The following APOBR variants were observed in gnomAD, a reference collection of about 807,000 sequenced individuals.
APOBR encodes the protein apoB-48R.
Under a neutral mutation model 88.5 loss-of-function variants are expected in APOBR, and 57 were observed. That is an observed-to-expected ratio of 0.64 (90% CI 0.52 to 0.80). APOBR has a LOEUF of 0.80. Among genes scored for constraint, APOBR ranks in the 30% least tolerant of loss-of-function variants. APOBR has a pLI of 0.00. For missense variants in APOBR, 1,443 were observed against 1,401.6 expected, an observed-to-expected ratio of 1.03 and a Z score of -0.47; for synonymous variants, 588 against 572.7, an observed-to-expected ratio of 1.03 and a Z score of -0.38.
rs747750507 is a variant in APOBR, at chr16:28,496,501, A to G, written c.1460A>G (p.Glu487Gly). 2.5e-6 allele frequency: 4 copies of G among 1,594,826 alleles called. No homozygotes were observed. Among genetic ancestry groups the G allele is most frequent in the Non-Finnish European group, 3.4e-6 (4 of 1,170,884 alleles). ...AGGGCCGACCGGGCCAGGATGGAAG[A>G]GCTGGTACAGGCAGAGGAGGCCCAG... ...GIRADRARME[E>G]LVQAEEAQEE... Residue 487 changes from glutamate to glycine, a missense_variant, in exon 2 of 4, where the codon GAG (glutamate) becomes GGG (glycine). Coordinates refer to ENST00000564831, the MANE Select transcript of APOBR (RefSeq NM_018690.4).
intron 1 of APOBR, 123 bp downstream of exon 1, chr16:28,494,861 T>C: frequency 9.5e-7 from 1 of 1,049,442 alleles, no homozygotes; most frequent in East Asian, 2.5e-5. Context: ...TGGAGATTGC[T>C]TTCTCAGGTT....
rs756135011 is a variant in APOBR, at chr16:28,497,402, G to A, written c.2361G>A (p.Gly787=). 6.2e-7 allele frequency: 1 copy of A among 1,613,154 alleles called. No individual in the cohort carries two copies. The highest frequency in any genetic ancestry group is 8.5e-7 in the Non-Finnish European group (1 of 1,179,556). The change falls in exon 2 of 4, where the codon GGG becomes GGA. Residue 787 remains glycine (G), a synonymous_variant. Coordinates refer to ENST00000564831, the MANE Select transcript of APOBR (RefSeq NM_018690.4). ...GTGAAGCTTTGGAAGGGGTGCTTGGGCAAGGCTGGGACTCGAAAGAAAAGG... is the reference window on the plus strand; with the variant it reads ...GTGAAGCTTTGGAAGGGGTGCTTGGACAAGGCTGGGACTCGAAAGAAAAGG... ...GAGEALEGVL[G]QGWDSKEKEE...
chr16:28,496,932 G>A lies in APOBR; in HGVS notation c.1891G>A (p.Asp631Asn), dbSNP rs13306185. ...PGAWENRTRK[D>N]MERGNTQEDA... ...AGCCTGGGAAAACCGCACGAGAAAGGACATGGAGAGAGGAAATACTCAGGA... is the reference window on the plus strand; with the variant it reads ...AGCCTGGGAAAACCGCACGAGAAAGAACATGGAGAGAGGAAATACTCAGGA... The change falls in exon 2 of 4, where the codon GAC becomes AAC. Residue 631 changes from aspartate (D) to asparagine (N), a missense_variant. Asp to Asn is a conservative substitution (Grantham distance 23). Coordinates refer to ENST00000564831, the MANE Select transcript of APOBR (RefSeq NM_018690.4). 4.8e-5 allele frequency: 75 copies of A among 1,560,132 alleles called. No individual in the cohort carries two copies. The East Asian group carries it at 1.8e-3, about 37-fold the overall frequency.
At position 28,497,687 on chromosome 16, in the gene APOBR, G is replaced by T. The variant is rs369226323; in HGVS notation, c.2646G>T (p.Thr882=). The change falls in exon 2 of 4, where the codon ACG becomes ACT. Residue 882 remains threonine, a synonymous_variant. Coordinates refer to ENST00000564831, the MANE Select transcript of APOBR (RefSeq NM_018690.4). Reference sequence around the variant, plus strand: ...CTGGGGGGCTTCTAGAAAAGTGGACGCTGTTGGAAGAAGAGGCTGTTGGAT... The same window carrying T: ...CTGGGGGGCTTCTAGAAAAGTGGACTCTGTTGGAAGAAGAGGCTGTTGGAT... ...VEAGGLLEKW[T]LLEEEAVGWQ... 2 of 1,603,488 alleles carry T rather than the reference G, an allele frequency of 1.2e-6. No individual in the cohort carries two copies. The highest frequency in any genetic ancestry group is 1.7e-6 in the Non-Finnish European group (2 of 1,175,098).
rs1230409742 is a variant in APOBR at position 28,498,818 on chromosome 16, C to T, written c.*313C>T. On this transcript the variant is annotated 3_prime_UTR_variant, in exon 4 of 4. Coordinates refer to ENST00000564831, the MANE Select transcript of APOBR (RefSeq NM_018690.4). ...TGCAAGGAGGCTGGGCACGGGGGCTCACGCCTGTCACCCCAGAGCTTTGGG... is the reference window on the plus strand; with the variant it reads ...TGCAAGGAGGCTGGGCACGGGGGCTTACGCCTGTCACCCCAGAGCTTTGGG... The T allele has an allele frequency of 1.8e-6, 1 of 565,180 alleles. No individual in the cohort carries two copies. Among genetic ancestry groups the T allele is most frequent in the Non-Finnish European group, 3.2e-6 (1 of 310,654 alleles). 35.0% of individuals were successfully genotyped at this position (565,180 alleles called of 1,614,324 possible).
Position 28,497,338 on chromosome 16 carries a change from G to A in APOBR, c.2297G>A (p.Gly766Glu). The change falls in exon 2 of 4, where the codon GGG becomes GAG. Residue 766 changes from glycine to glutamate, a missense_variant. Physicochemically the swap from Gly to Glu is moderately conservative, Grantham distance 98. Coordinates refer to ENST00000564831, the MANE Select transcript of APOBR (RefSeq NM_018690.4). ...GGCTCTGTGGCTGCTGGGATTATGG[G>A]GGGTGATGTGGTCCCACACATCAGC... ...QTGSVAAGIMGGDVVPHISAA... is the reference protein window; with the variant it reads ...QTGSVAAGIMEGDVVPHISAA... 6.2e-7 allele frequency: 1 copy of A among 1,606,678 alleles called. No individual in the cohort carries two copies. Among genetic ancestry groups the A allele is most frequent in the Non-Finnish European group, 8.5e-7 (1 of 1,176,920 alleles).
At position 28,498,479 on chromosome 16, in the gene APOBR, C is replaced by T. The variant is rs1414584117; in HGVS notation, c.3268C>T (p.Arg1090Cys). 13 of 1,601,436 alleles carry T rather than the reference C, an allele frequency of 8.1e-6. No individual in the cohort carries two copies. Among genetic ancestry groups the T allele is most frequent in the Middle Eastern group, 1.7e-4 (1 of 6,050 alleles). The change falls in exon 4 of 4, where the codon CGT becomes TGT. Residue 1090 changes from arginine to cysteine, a missense_variant. Transcript: ENST00000564831. Reference protein sequence around the residue: ...HPGMMQELQARLGRPKPQ With the variant: ...HPGMMQELQACLGRPKPQ ...TGGCATGATGCAGGAGCTGCAAGCC[C>T]GTCTGGGCCGGCCTAAGCCCCAGTG... is the stretch of plus-strand genomic sequence containing the variant.
At position 28,497,089 on chromosome 16, in the gene APOBR, C is replaced by T. The variant is rs751020674; in HGVS notation, c.2048C>T (p.Thr683Ile). 3.8e-6 allele frequency: 6 copies of T among 1,597,456 alleles called. No individual in the cohort carries two copies. Among genetic ancestry groups the T allele is most frequent in the South Asian group, 2.3e-5 (2 of 88,568 alleles). ...GAGGCAGGCGGGGAGGGGCTGACAACCCAGGACGCGGGATGTGGAACTGAG... is the reference window on the plus strand; with the variant it reads ...GAGGCAGGCGGGGAGGGGCTGACAATCCAGGACGCGGGATGTGGAACTGAG... ...VPEAGGEGLTTQDAGCGTEEG... is the reference protein window; with the variant it reads ...VPEAGGEGLTIQDAGCGTEEG... The change falls in exon 2 of 4, where the codon ACC (threonine) becomes ATC (isoleucine). Residue 683 changes from threonine to isoleucine, a missense_variant. Transcript: ENST00000564831.
rs1178608344 is a variant in APOBR at position 28,496,761 on chromosome 16, A to G, written c.1720A>G (p.Thr574Ala). The change falls in exon 2 of 4, where the codon ACT (threonine) becomes GCT (alanine). Residue 574 changes from threonine (T) to alanine (A), a missense_variant. By Grantham distance (58) the Thr-to-Ala change is moderately conservative. Coordinates refer to ENST00000564831, the MANE Select transcript of APOBR (RefSeq NM_018690.4). ...PELMGGAQTPTKQPEEREAGE... is the reference protein window; with the variant it reads ...PELMGGAQTPAKQPEEREAGE... ...GCTGATGGGGGGCGCCCAGACCCCAACTAAGCAACCCGAGGAAAGGGAGGC... is the reference window on the plus strand; with the variant it reads ...GCTGATGGGGGGCGCCCAGACCCCAGCTAAGCAACCCGAGGAAAGGGAGGC... 1.9e-6 allele frequency: 3 copies of G among 1,582,958 alleles called. No individual in the cohort carries two copies. Among genetic ancestry groups the G allele is most frequent in the African/African-American group, 2.7e-5 (2 of 74,456 alleles).
At position 28,495,806 on chromosome 16, in the gene APOBR, G is replaced by A; in HGVS notation, c.765G>A (p.Lys255=). ...GAGAAGAGGTGGTAGTGGTGGAGAA[G>A]GCCTGTGAAAGCACTAGGGCATGGG... The part of the protein sequence containing the change: ...GKGEEVVVVE[K]ACESTRAWGT... The change falls in exon 2 of 4, where the codon AAG becomes AAA. Residue 255 remains lysine (K), a synonymous_variant. Transcript: ENST00000564831. 1 of 1,600,430 alleles carries A rather than the reference G, an allele frequency of 6.2e-7. No homozygotes were observed. The highest frequency in any genetic ancestry group is 1.7e-4 in the Middle Eastern group (1 of 6,042).
chr16:28,498,138 T>C lies in APOBR; in HGVS notation c.3013T>C (p.Ser1005Pro). The change falls in exon 3 of 4, where the codon TCG (serine) becomes CCG (proline). Residue 1005 changes from serine to proline, a missense_variant. Transcript: ENST00000564831. ...VSVPRSRVHL[S>P]RSSSQRRSRP... Reference sequence around the variant, plus strand: ...TGTCCCAAGGAGTCGCGTGCACCTCTCGAGAAGCTCCTCACAGCGTCGCTC... The same window carrying C: ...TGTCCCAAGGAGTCGCGTGCACCTCCCGAGAAGCTCCTCACAGCGTCGCTC... 1.3e-6 allele frequency: 2 copies of C among 1,598,114 alleles called. No homozygotes were observed. Among genetic ancestry groups the C allele is most frequent in the East Asian group, 2.2e-5 (1 of 44,764 alleles).
rs372591442 is a variant in APOBR, at chr16:28,498,434, A to G, written c.3225-2A>G. 1.1e-5 allele frequency: 17 copies of G among 1,600,932 alleles called. No individual in the cohort carries two copies. The highest frequency in any genetic ancestry group is 1.4e-5 in the Non-Finnish European group (16 of 1,174,190). On this transcript the variant is annotated splice_acceptor_variant, in intron 3 of 3. Coordinates refer to ENST00000564831, the MANE Select transcript of APOBR (RefSeq NM_018690.4). LOFTEE classifies it high-confidence loss of function. Reference sequence around the variant, plus strand: ...TCTCACGGGCCTGACTTCCGCCTCCAGGTTTGGCCTCGCGCACCCTGGCAT... The same window carrying G: ...TCTCACGGGCCTGACTTCCGCCTCCGGGTTTGGCCTCGCGCACCCTGGCAT...
At chr16:28,498,057 T>C in intron 2 of APOBR, 24 bp from the exon 3 acceptor site, 1 of 1,544,330 alleles carries the variant, frequency 6.5e-7, no homozygotes, top group Non-Finnish European at 8.7e-7. Flanking sequence ...GGCCCCATGG[T>C]CCTCTGTGCC....
Position 28,496,149 on chromosome 16 carries a change from G to T in APOBR, c.1108G>T (p.Asp370Tyr), listed in dbSNP as rs1009328585. ...GEEAGTASGG[D>Y]EAWTTSGKEE... ...GGAGGCCGGGACAGCCTCAGGAGGG[G>T]ACGAGGCCTGGACAACCTCAGGCAA... The change falls in exon 2 of 4, where the codon GAC becomes TAC. Residue 370 changes from aspartate (D) to tyrosine (Y), a missense_variant. Physicochemically the swap from Asp to Tyr is radical, Grantham distance 160 (BLOSUM62 -3). Coordinates refer to ENST00000564831, the MANE Select transcript of APOBR (RefSeq NM_018690.4). 1 of 1,541,206 alleles carries T rather than the reference G, an allele frequency of 6.5e-7. No individual in the cohort carries two copies. Among genetic ancestry groups the T allele is most frequent in the Admixed American group, 2.0e-5 (1 of 49,158 alleles).
At position 28,498,140 on chromosome 16, in the gene APOBR, G is replaced by C; in HGVS notation, c.3015G>C (p.Ser1005=). The change falls in exon 3 of 4, where the codon TCG becomes TCC. Residue 1005 remains serine, a synonymous_variant. Transcript: ENST00000564831. ...TCCCAAGGAGTCGCGTGCACCTCTC[G>C]AGAAGCTCCTCACAGCGTCGCTCCC... The part of the protein sequence containing the change: ...VSVPRSRVHL[S]RSSSQRRSRP... The C allele has an allele frequency of 6.3e-7, 1 of 1,598,486 alleles. No homozygotes were observed. The highest frequency in any genetic ancestry group is 1.1e-5 in the South Asian group (1 of 90,832).
rs1596573067 is a variant in APOBR at position 28,496,322 on chromosome 16, G to A, written c.1281G>A (p.Gln427=). The change falls in exon 2 of 4, where the codon CAG becomes CAA. Residue 427 remains glutamine (Q), a synonymous_variant. Coordinates refer to ENST00000564831, the MANE Select transcript of APOBR (RefSeq NM_018690.4). ...REAEVSPFPK[Q]PQVLGTERTE... ...CTGAGGTGAGCCCTTTCCCCAAACA[G>A]CCCCAGGTCCTGGGCACTGAAAGAA... 2 of 1,585,274 alleles carry A rather than the reference G, an allele frequency of 1.3e-6. No individual in the cohort carries two copies. Among genetic ancestry groups the A allele is most frequent in the Non-Finnish European group, 1.7e-6 (2 of 1,166,464 alleles).
At position 28,497,839 on chromosome 16, in the gene APOBR, A is replaced by G. The variant is rs948268949; in HGVS notation, c.2798A>G (p.Lys933Arg). 1.2e-6 allele frequency: 2 copies of G among 1,610,038 alleles called. No individual in the cohort carries two copies. The highest frequency in any genetic ancestry group is 2.7e-5 in the African/African-American group (2 of 74,988). ...MVTGGRRAEAKETEPESLEHV... is the reference protein window; with the variant it reads ...MVTGGRRAEARETEPESLEHV... ...ACCGGGGGCCGGAGGGCAGAGGCCA[A>G]GGAGACTGAGCCAGAAAGCCTGGAA... is the stretch of plus-strand genomic sequence containing the variant. The change falls in exon 2 of 4, where the codon AAG (lysine) becomes AGG (arginine). Residue 933 changes from lysine (K) to arginine (R), a missense_variant. Transcript: ENST00000564831.
Position 28,495,545 on chromosome 16 carries a change from C to G in APOBR, c.504C>G (p.Asn168Lys). The G allele has an allele frequency of 6.4e-7, 1 of 1,567,724 alleles. No individual in the cohort carries two copies. The highest frequency in any genetic ancestry group is 8.6e-7 in the Non-Finnish European group (1 of 1,156,550). The change falls in exon 2 of 4, where the codon AAC becomes AAG. Residue 168 changes from asparagine to lysine, a missense_variant. Transcript: ENST00000564831. ...AGGAGTCCCATGAGCAGGAAGTGAA[C>G]AGAGAAGAGAGGCTGAGAAGCTGGG... ...ERQESHEQEV[N>K]REERLRSWEQ...
chr16:28,494,667 A>G lies in APOBR; in HGVS notation c.-15A>G. ...CATTATCAGCTTTCTGGACACACAGACAGAGACAGACAGGATGGACTTCCT... is the reference window on the plus strand; with the variant it reads ...CATTATCAGCTTTCTGGACACACAGGCAGAGACAGACAGGATGGACTTCCT... On this transcript the variant is annotated 5_prime_UTR_variant, in exon 1 of 4. Coordinates refer to ENST00000564831, the MANE Select transcript of APOBR (RefSeq NM_018690.4). The G allele has an allele frequency of 6.2e-7, 1 of 1,610,516 alleles. No homozygotes were observed. Among genetic ancestry groups the G allele is most frequent in the Non-Finnish European group, 8.5e-7 (1 of 1,177,860 alleles).
Sources: allele counts gnomAD v4.1 joint callset, GRCh38; gene constraint gnomAD v4.1.1; transcripts MANE v1.5; gene names NCBI Gene and HGNC (gene_info 2026-07-23, HGNC 2026-07-21).